DNAH9: variants seen among roughly 807,000 people sequenced by gnomAD.
DNAH9 encodes DNAH9 variant protein.
A neutral mutation model predicts 471.6 loss-of-function variants in DNAH9; 345 were observed. The observed-to-expected ratio is 0.73, with a 90% CI of 0.67 to 0.80. The LOEUF is 0.80. Ranked by LOEUF, DNAH9 falls within the 30% of genes least tolerant of loss-of-function variation. The pLI is 0.00. For synonymous variants in DNAH9, 2,093 were observed against 2,123.6 expected, an observed-to-expected ratio of 0.99 and a Z score of 0.40; for missense variants, 5,407 against 5,609.2, an observed-to-expected ratio of 0.96 and a Z score of 1.15.
intron 23 of DNAH9, 58 bp from the exon 24 acceptor site, chr17:11,701,064 T>C (rs1344805200): frequency 1.2e-6 from 2 of 1,600,336 alleles, no homozygotes; most frequent in African/African-American, 1.3e-5. Flanking sequence ...GAAGAAAATA[T>C]GTAGGACTAA....
chr17:11,917,528 C>G (rs140349037), intron 61 of DNAH9, among the ~76,000 whole-genome samples: 2 of 152,266 alleles, frequency 1.3e-5, no homozygotes, highest in African/African-American at 2.4e-5. Flanking sequence ...TCTGATCAAG[C>G]CTTTAACAGA....
chr17:11,897,901 G>C (rs201763858), intron 59 of DNAH9, among the ~76,000 whole-genome samples: 3 of 152,256 alleles, frequency 2.0e-5, no homozygotes, highest in South Asian at 4.1e-4. Context: ...TCTCACAGTC[G>C]TGGAGGCTGA....
chr17:11,792,508 C>A (rs186311190), intron 41 of DNAH9, among the ~76,000 whole-genome samples: 1 of 152,090 alleles, frequency 6.6e-6, no homozygotes, highest in Non-Finnish European at 1.5e-5. Context: ...GTGGTCTCCA[C>A]CTTTCAGTAA....
At chr17:11,758,382 G>C (rs1447021905) in intron 35 of DNAH9, among the ~76,000 whole-genome samples, 1 of 152,130 alleles carries the variant, frequency 6.6e-6, no homozygotes, top group Non-Finnish European at 1.5e-5. Flanking sequence ...TTTTATGGTT[G>C]TTGTTGCCAT....
chr17:11,748,458 C>T (rs1361100650), intron 32 of DNAH9, among the ~76,000 whole-genome samples: 4 of 152,148 alleles, frequency 2.6e-5, no homozygotes, highest in Non-Finnish European at 2.9e-5. Context: ...GGGAAGCCCA[C>T]GGCTCATTCC....
intron 59 of DNAH9, among the ~76,000 whole-genome samples, chr17:11,899,034 C>G (rs1268111683): frequency 6.6e-6 from 1 of 152,152 alleles, no homozygotes; most frequent in African/African-American, 2.4e-5. Context: ...CCATCAAACT[C>G]AAGCACAGCA....
chr17:11,724,358 A>G (rs1014702944), intron 27 of DNAH9, among the ~76,000 whole-genome samples: 1 of 152,100 alleles, frequency 6.6e-6, no homozygotes, highest in Non-Finnish European at 1.5e-5. Context: ...GCCTCTGGTA[A>G]CCATCATTCT....
chr17:11,611,581 TG>T, intron 3 of DNAH9, 68 bp from the exon 4 acceptor site: 1 of 1,479,438 alleles, frequency 6.8e-7, no homozygotes, highest in South Asian at 1.2e-5. Flanking sequence ...TGTGTGACGA[TG>T]GGTCATCACA....
chr17:11,839,524 A>G (rs1282617477), intron 49 of DNAH9, among the ~76,000 whole-genome samples: 3 of 151,986 alleles, frequency 2.0e-5, no homozygotes, highest in African/African-American at 7.2e-5. Context: ...TCAAAAAAAA[A>G]AAAAAGAAAA....
intron 24 of DNAH9, 146 bp downstream of exon 24, chr17:11,701,393 CAGCAGGTGGG>C: frequency 1.2e-6 from 1 of 851,678 alleles, no homozygotes; most frequent in Non-Finnish European, 1.9e-6. Flanking sequence ...TGTGAGGGGT[CAGCAGGTGGG>C]AGCAGGGGGA....
intron 20 of DNAH9, 71 bp from the exon 21 acceptor site, chr17:11,693,797 T>C (rs2074379250): frequency 2.0e-6 from 3 of 1,528,718 alleles, no homozygotes; most frequent in South Asian, 2.3e-5. Context: ...TGCTTCTAAC[T>C]GGCTCCATGG....
At chr17:11,815,554 C>T (rs1970067834) in intron 45 of DNAH9, among the ~76,000 whole-genome samples, 1 of 152,136 alleles carries the variant, frequency 6.6e-6, no homozygotes, top group African/African-American at 2.4e-5. Flanking sequence ...TTTGGGAGGC[C>T]AAGATGGGCG....
chr17:11,945,123 C>T (rs1042756299), intron 67 of DNAH9, among the ~76,000 whole-genome samples: 2 of 152,180 alleles, frequency 1.3e-5, no homozygotes, highest in Non-Finnish European at 2.9e-5. Flanking sequence ...ATGTCAGCTC[C>T]GAGCTCTTCC....
chr17:11,870,819 CCT>C (rs1233292885), intron 51 of DNAH9, among the ~76,000 whole-genome samples: 4 of 152,128 alleles, frequency 2.6e-5, no homozygotes, highest in Admixed American at 6.6e-5. Flanking sequence ...TGAAGCCACC[CCT>C]GTCTCTACCG....
rs1389217941 is a variant in DNAH9 at position 11,843,890 on chromosome 17, T to TATATATATATATATATATAC, written c.9507+8993_9507+8994insTATATATATATATATATACA. Reference sequence around the variant, plus strand: ...ATATATATATATATATATATATATATACACATAGAGAGAGAGAGAATAATA... The same window carrying TATATATATATATATATATAC: ...ATATATATATATATATATATATATATATATATATATATATATATACACACATAGAGAGAGAGAGAATAATA... On this transcript the variant is annotated intron_variant, in intron 49 of 68. Coordinates refer to ENST00000262442, the MANE Select transcript of DNAH9 (RefSeq NM_001372.4). Among the ~76,000 whole-genome samples the TATATATATATATATATATAC allele has an allele frequency of 9.7e-4, 123 of 127,084 alleles. 1 individual carries two copies. Among genetic ancestry groups the TATATATATATATATATATAC allele is most frequent in the Admixed American group, 2.4e-3 (29 of 11,994 alleles). The allele number at this position is 127,084 out of a possible 152,430, so 83.4% of individuals were successfully genotyped here.
chr17:11,598,526 C>G lies in DNAH9; in HGVS notation c.28C>G (p.Leu10Val). The G allele has an allele frequency of 7.4e-7, 1 of 1,345,518 alleles. No individual in the cohort carries two copies. The highest frequency in any genetic ancestry group is 1.5e-5 in the African/African-American group (1 of 65,664). The allele number at this position is 1,345,518 out of a possible 1,614,324, so 83.3% of individuals were successfully genotyped here. A position where few individuals can be genotyped will look rare whatever the true frequency, so the allele number is the denominator to read the frequency against. ...GCGGCTCGCGGAGGAGCGGGCCGCGCTCGCGGCGGAGAACGCGGATGGGGA... is the reference window on the plus strand; with the variant it reads ...GCGGCTCGCGGAGGAGCGGGCCGCGGTCGCGGCGGAGAACGCGGATGGGGA... MRLAEERAA[L>V]AAENADGEPG... Residue 10 changes from leucine to valine, a missense_variant, in exon 1 of 69, where the codon CTC becomes GTC. Around this residue, in one of 3 missense-constraint regions of DNAH9, gnomAD observed 767 missense variants for 692.5 expected, o/e 1.11. Coordinates refer to ENST00000262442, the MANE Select transcript of DNAH9 (RefSeq NM_001372.4).
intron 41 of DNAH9, among the ~76,000 whole-genome samples, chr17:11,790,675 T>C (rs1969031688): frequency 6.6e-6 from 1 of 151,890 alleles, no homozygotes; most frequent in Non-Finnish European, 1.5e-5. Flanking sequence ...TATAATAATA[T>C]ATTTATGATT....
chr17:11,874,859 A>G, intron 52 of DNAH9, 90 bp from the exon 53 acceptor site: 1 of 886,804 alleles, frequency 1.1e-6, no homozygotes, highest in South Asian at 1.5e-5. Context: ...CTTTTAAAGG[A>G]GTTGTGTCAT....
intron 48 of DNAH9, among the ~76,000 whole-genome samples, chr17:11,831,151 T>A (rs536036169): frequency 1.6e-4 from 25 of 152,326 alleles, no homozygotes; most frequent in African/African-American, 6.0e-4. Flanking sequence ...TTTATATTGC[T>A]ATAAAGGAAT....
Sources: allele counts gnomAD v4.1 joint callset (sites outside exome capture counted in the v4.1 genomes callset), GRCh38; gene constraint gnomAD v4.1.1; regional missense constraint gnomAD v4.1.1; transcripts MANE v1.5; gene names NCBI Gene and HGNC (gene_info 2026-07-23, HGNC 2026-07-21).